The following CSMD3 variants were observed in gnomAD, a reference collection of about 807,000 sequenced individuals.
The protein encoded by CSMD3 is CUB and Sushi multiple domains 3, also known as CUB and sushi domain-containing protein 3.
A neutral mutation model predicts 435.2 loss-of-function variants in CSMD3; 177 were observed. That is an observed-to-expected ratio of 0.41 (90% CI 0.36 to 0.46). The LOEUF (loss-of-function observed/expected upper bound fraction) is 0.46. Among genes scored for constraint, CSMD3 ranks in the 20% least tolerant of loss-of-function variants. The probability of loss-of-function intolerance (pLI) is 0.34; values close to 1 mark genes in which losing one functional copy is unlikely to be tolerated. For synonymous variants in CSMD3, 1,656 were observed against 1,520.5 expected, an observed-to-expected ratio of 1.09 and a Z score of -2.07; for missense variants, 4,265 against 4,504.6, an observed-to-expected ratio of 0.95 and a Z score of 1.52.
At chr8:113,390,124 T>C (rs1288087113) in intron 1 of CSMD3, among the ~76,000 whole-genome samples, 1 of 151,878 alleles carries the variant, frequency 6.6e-6, no homozygotes, top group African/African-American at 2.4e-5. Flanking sequence ...AAGTATTTAC[T>C]ATGGAATATA....
chr8:112,244,430 C>T lies in CSMD3; in HGVS notation c.10366G>A (p.Asp3456Asn), dbSNP rs376197025. The T allele has an allele frequency of 6.3e-6, 10 of 1,579,836 alleles. No homozygotes were observed. The highest frequency in any genetic ancestry group is 3.0e-5 in the African/African-American group (2 of 67,178). ...GGTEHRVCRS[D>N]NTWTGKVPIC... is the part of the protein sequence containing the mutation. ...GGAACTTTTCCAGTCCAGGTGTTATCGGATCTACACACTCTATGTTCTGTT... is the reference window on the plus strand; with the variant it reads ...GGAACTTTTCCAGTCCAGGTGTTATTGGATCTACACACTCTATGTTCTGTT... The change falls in exon 65 of 71, where the codon GAT (aspartate) becomes AAT (asparagine). Residue 3456 changes from aspartate (D) to asparagine (N), a missense_variant. Physicochemically the swap from Asp to Asn is conservative, Grantham distance 23 (BLOSUM62 1). This residue lies in a region of CSMD3 where 3,255 missense variants were observed against 3,380.2 expected (regional missense o/e 0.96). Coordinates refer to ENST00000297405, the MANE Select transcript of CSMD3 (RefSeq NM_198123.2).
At chr8:113,432,727 G>T (rs927832451) in intron 1 of CSMD3, among the ~76,000 whole-genome samples, 3 of 152,150 alleles carry the variant, frequency 2.0e-5, no homozygotes, top group Non-Finnish European at 2.9e-5. Context: ...TGAGGACAGC[G>T]CTGCGGTCCG....
intron 38 of CSMD3, among the ~76,000 whole-genome samples, chr8:112,368,896 C>G (rs578063505): frequency 1.3e-5 from 2 of 152,142 alleles, no homozygotes; most frequent in Non-Finnish European, 2.9e-5. Context: ...AAAAATACCT[C>G]TATGAAACAT....
chr8:112,482,092 C>T (rs1384477268), intron 31 of CSMD3, among the ~76,000 whole-genome samples: 2 of 152,068 alleles, frequency 1.3e-5, no homozygotes, highest in South Asian at 2.1e-4. Flanking sequence ...AGGATGTAAG[C>T]TTCTACACCT....
At chr8:112,268,067 C>A (rs1439373720) in intron 59 of CSMD3, among the ~76,000 whole-genome samples, 2 of 152,114 alleles carry the variant, frequency 1.3e-5, no homozygotes, top group African/African-American at 4.8e-5. Context: ...ATAAGAAGAT[C>A]ATTGACCTTC....
intron 29 of CSMD3, among the ~76,000 whole-genome samples, chr8:112,505,396 A>G (rs944876789): frequency 1.3e-5 from 2 of 152,140 alleles, no homozygotes; most frequent in Non-Finnish European, 2.9e-5. Flanking sequence ...GATAAAACAC[A>G]ACTTCTGAAT....
chr8:112,836,265 T>C (rs1423851486), intron 11 of CSMD3, among the ~76,000 whole-genome samples: 2 of 151,884 alleles, frequency 1.3e-5, no homozygotes, highest in Non-Finnish European at 2.9e-5. Flanking sequence ...GGAGAGGTAT[T>C]TGATAACCAA....
At chr8:112,576,074 C>A (rs1829919064) in intron 23 of CSMD3, among the ~76,000 whole-genome samples, 1 of 151,834 alleles carries the variant, frequency 6.6e-6, no homozygotes, top group African/African-American at 2.4e-5. Context: ...TCAATTGTTT[C>A]TTGGATAAAA....
chr8:113,350,370 T>A (rs2094182068), intron 1 of CSMD3, among the ~76,000 whole-genome samples: 1 of 152,148 alleles, frequency 6.6e-6, no homozygotes, highest in African/African-American at 2.4e-5. Flanking sequence ...TTTCAGGGAT[T>A]CCAGGACCTA....
chr8:113,205,507 G>A (rs1324767429), intron 3 of CSMD3, among the ~76,000 whole-genome samples: 1 of 152,156 alleles, frequency 6.6e-6, no homozygotes, highest in Middle Eastern at 3.2e-3. Flanking sequence ...TAGGTGTGTA[G>A]TAGGCGATAC....
At chr8:113,361,953 A>C (rs2094280245) in intron 1 of CSMD3, among the ~76,000 whole-genome samples, 1 of 152,196 alleles carries the variant, frequency 6.6e-6, no homozygotes, top group Admixed American at 6.5e-5. Flanking sequence ...GATTAGTCCA[A>C]TCTCAAAAGA....
At chr8:112,334,310 T>A (rs185669359) in intron 45 of CSMD3, among the ~76,000 whole-genome samples, 1 of 152,222 alleles carries the variant, frequency 6.6e-6, no homozygotes, top group Admixed American at 6.5e-5. Flanking sequence ...CTAGATCCCA[T>A]GTGCTTTAAA....
chr8:112,964,611 C>A (rs1473966403), intron 7 of CSMD3, among the ~76,000 whole-genome samples: 2 of 151,908 alleles, frequency 1.3e-5, no homozygotes, highest in Non-Finnish European at 2.9e-5. Context: ...TCTTTGGCTG[C>A]ATTCCTTTCT....
At chr8:113,436,126 A>G (rs11986815) in intron 1 of CSMD3, among the ~76,000 whole-genome samples, 2,798 of 152,202 alleles carry the variant, frequency 0.018, 97 homozygotes, top group African/African-American at 0.062. Flanking sequence ...CCTACATTTA[A>G]CATTGCATAG....
intron 5 of CSMD3, among the ~76,000 whole-genome samples, chr8:113,026,438 T>A (rs1386648238): frequency 1.3e-5 from 2 of 152,212 alleles, no homozygotes; most frequent in African/African-American, 4.8e-5. Flanking sequence ...TTGTTTTTGG[T>A]TGGACAAGTA....
chr8:113,162,301 C>T (rs954617239), intron 4 of CSMD3, among the ~76,000 whole-genome samples: 21 of 151,742 alleles, frequency 1.4e-4, no homozygotes, highest in African/African-American at 4.1e-4. Context: ...CTAGGCCAGG[C>T]GCGGTAGCTC....
chr8:113,185,004 C>G (rs1456120243), intron 3 of CSMD3, among the ~76,000 whole-genome samples: 6 of 151,980 alleles, frequency 3.9e-5, no homozygotes, highest in Non-Finnish European at 8.8e-5. Context: ...GTCTAGATTG[C>G]AGGCAGCAAC....
At chr8:112,728,382 T>C (rs1350507855) in intron 13 of CSMD3, among the ~76,000 whole-genome samples, 1 of 151,992 alleles carries the variant, frequency 6.6e-6, no homozygotes, top group Non-Finnish European at 1.5e-5. Flanking sequence ...TATATATCTA[T>C]ACACGTATGT....
At chr8:112,468,450 A>T (rs575905422) in intron 32 of CSMD3, among the ~76,000 whole-genome samples, 2 of 152,208 alleles carry the variant, frequency 1.3e-5, no homozygotes, top group East Asian at 3.9e-4. Context: ...GATTGTTAAA[A>T]TAGAAATCTA....
Sources: allele counts gnomAD v4.1 joint callset (sites outside exome capture counted in the v4.1 genomes callset), GRCh38; gene constraint gnomAD v4.1.1; regional missense constraint gnomAD v4.1.1; transcripts MANE v1.5; gene names NCBI Gene and HGNC (gene_info 2026-07-23, HGNC 2026-07-21).